Variants in RAPGEF4 observed in about 807,000 individuals in gnomAD.
The protein encoded by RAPGEF4 is RAP guanine-nucleotide-exchange factor (GEF) 4.
A neutral mutation model predicts 147.9 loss-of-function variants in RAPGEF4; 66 were observed. That is an observed-to-expected ratio of 0.45 (90% CI 0.37 to 0.55). The LOEUF is 0.55. Ranked by LOEUF, RAPGEF4 falls within the 20% of genes least tolerant of loss-of-function variation. The probability of loss-of-function intolerance (pLI) is 0.00; values close to 1 mark genes in which losing one functional copy is unlikely to be tolerated. For synonymous variants in RAPGEF4, 419 were observed against 442.7 expected, an observed-to-expected ratio of 0.95 and a Z score of 0.67; for missense variants, 1,071 against 1,257.3, an observed-to-expected ratio of 0.85 and a Z score of 2.24.
rs1052644297 is a variant in RAPGEF4 at position 172,884,411 on chromosome 2, GGACTAACATTTGCAACATCAGTA to G, written c.445-33390_445-33368del. Among the ~76,000 whole-genome samples, 12 of 152,268 alleles carry G rather than the reference GGACTAACATTTGCAACATCAGTA, an allele frequency of 7.9e-5. No homozygotes were observed. In the South Asian group the frequency reaches 1.7e-3, roughly 21 times the overall value. Reference sequence around the variant, plus strand: ...TACACTGGAGCCTCTATCCCTGTTTGGACTAACATTTGCAACATCAGTACTGAATTTGCCAGAAGATTCAGTTT... The same window carrying G: ...TACACTGGAGCCTCTATCCCTGTTTGCTGAATTTGCCAGAAGATTCAGTTT... On this transcript the variant is annotated intron_variant, in intron 4 of 30. Coordinates refer to ENST00000397081, the MANE Select transcript of RAPGEF4 (RefSeq NM_007023.4).
At chr2:173,038,547 T>C (rs1396575128) in intron 29 of RAPGEF4, among the ~76,000 whole-genome samples, 7 of 151,976 alleles carry the variant, frequency 4.6e-5, no homozygotes. Context: ...TGAGAACACA[T>C]GGACACAGGG....
At position 172,918,842 on chromosome 2, in the gene RAPGEF4, A is replaced by G. The variant is rs1405900644; in HGVS notation, c.517+968A>G. 2.0e-5 allele frequency among the ~76,000 whole-genome samples: 3 copies of G among 152,296 alleles called. No individual in the cohort carries two copies. In the South Asian group the frequency reaches 6.2e-4, roughly 32 times the overall value. Reference sequence around the variant, plus strand: ...TCCCTGCATCTTCAGAGCCACAGCCAGCCACCCTTCAGATCCTCTTCCTGG... The same window carrying G: ...TCCCTGCATCTTCAGAGCCACAGCCGGCCACCCTTCAGATCCTCTTCCTGG... On this transcript the variant is annotated intron_variant, in intron 5 of 30. Transcript: ENST00000397081.
At chr2:172,932,043 T>C (rs576635596) in intron 6 of RAPGEF4, among the ~76,000 whole-genome samples, 1 of 134,760 alleles carries the variant, frequency 7.4e-6, no homozygotes, top group African/African-American at 2.7e-5. Context: ...GTTTTCTTCC[T>C]TTTTCTCAAT....
chr2:172,886,979 G>A (rs1483655902), intron 4 of RAPGEF4, among the ~76,000 whole-genome samples: 1 of 152,112 alleles, frequency 6.6e-6, no homozygotes, highest in Non-Finnish European at 1.5e-5. Context: ...CCTGAAGTCA[G>A]GAGTTTGACA....
Position 173,027,270 on chromosome 2 carries a change from T to G in RAPGEF4, c.2558+11T>G. The G allele has an allele frequency of 6.4e-7, 1 of 1,562,168 alleles. No homozygotes were observed. The highest frequency in any genetic ancestry group is 1.2e-5 in the South Asian group (1 of 82,942). Reference sequence around the variant, plus strand: ...TAAGATAGCAGCCCAGTAAGTATATTTAGCTTGGAAAGAGAAAAAAAAATG... The same window carrying G: ...TAAGATAGCAGCCCAGTAAGTATATGTAGCTTGGAAAGAGAAAAAAAAATG... On this transcript the variant is annotated intron_variant, in intron 25 of 30. Coordinates refer to ENST00000397081, the MANE Select transcript of RAPGEF4 (RefSeq NM_007023.4).
intron 1 of RAPGEF4, among the ~76,000 whole-genome samples, chr2:172,788,104 G>T (rs1044661382): frequency 6.6e-6 from 1 of 152,168 alleles, no homozygotes; most frequent in Non-Finnish European, 1.5e-5. Flanking sequence ...AGTCTCTGGG[G>T]TCTCTTATAA....
chr2:172,736,339 C>T (rs4142876), intron 1 of RAPGEF4: 2 of 256,782 alleles, frequency 7.8e-6, no homozygotes, highest in African/African-American at 2.3e-5. Flanking sequence ...CTCCAGGCTC[C>T]GCTCCTGGGT....
intron 6 of RAPGEF4, among the ~76,000 whole-genome samples, chr2:172,952,231 T>C (rs1390597953): frequency 6.6e-6 from 1 of 152,188 alleles, no homozygotes; most frequent in Non-Finnish European, 1.5e-5. Flanking sequence ...CCAGCCCTTT[T>C]GTAATAAGTG....
chr2:172,989,713 CT>C (rs1692635654), intron 14 of RAPGEF4, among the ~76,000 whole-genome samples: 1 of 152,182 alleles, frequency 6.6e-6, no homozygotes, highest in African/African-American at 2.4e-5. Context: ...CCTTCCCGCC[CT>C]AGCTTGAGTT....
intron 1 of RAPGEF4, among the ~76,000 whole-genome samples, chr2:172,736,910 A>G (rs1457500550): frequency 3.3e-5 from 5 of 152,226 alleles, no homozygotes; most frequent in Admixed American, 3.3e-4. Context: ...TCGGAGTTTG[A>G]TGCAGAAGGG....
At chr2:172,824,536 T>TA (rs1394884495) in intron 4 of RAPGEF4, among the ~76,000 whole-genome samples, 21 of 152,224 alleles carry the variant, frequency 1.4e-4, no homozygotes, top group Non-Finnish European at 2.5e-4. Flanking sequence ...ACTTCCAAGT[T>TA]AGAGTTTCTA....
Position 172,795,335 on chromosome 2 carries a change from A to G in RAPGEF4, c.208+168A>G, listed in dbSNP as rs532402223. Among the ~76,000 whole-genome samples, 3 of 152,352 alleles carry G rather than the reference A, an allele frequency of 2.0e-5. No individual in the cohort carries two copies. In the South Asian group the frequency reaches 6.2e-4, roughly 32 times the overall value. On this transcript the variant is annotated intron_variant, in intron 2 of 30. Transcript: ENST00000397081. Reference sequence around the variant, plus strand: ...CTAGTCTGTTTATTCAGTTGCATGTAGGTGTTTCCCTAACTCCTTTGTTCA... The same window carrying G: ...CTAGTCTGTTTATTCAGTTGCATGTGGGTGTTTCCCTAACTCCTTTGTTCA...
At chr2:172,919,900 G>A (rs1032625376) in intron 5 of RAPGEF4, among the ~76,000 whole-genome samples, 8 of 151,930 alleles carry the variant, frequency 5.3e-5, no homozygotes, top group South Asian at 2.1e-4. Context: ...CTGCTTGCCC[G>A]GGCCCAGCGC....
chr2:172,961,289 C>A (rs1689267402), intron 8 of RAPGEF4, 61 bp downstream of exon 8: 1 of 1,310,990 alleles, frequency 7.6e-7, no homozygotes, highest in Admixed American at 1.8e-5. Context: ...GAAAATGGAA[C>A]AAAAATGCTT....
intron 6 of RAPGEF4, among the ~76,000 whole-genome samples, chr2:172,952,185 T>A (rs72894145): frequency 0.036 from 5,443 of 152,222 alleles, 134 homozygotes; most frequent in Admixed American, 0.067. Context: ...TATTTTTTTT[T>A]AAATTAGAGA....
At chr2:172,924,860 TC>T (rs774741668) in intron 6 of RAPGEF4, among the ~76,000 whole-genome samples, 7 of 152,228 alleles carry the variant, frequency 4.6e-5, no homozygotes, top group Non-Finnish European at 8.8e-5. Context: ...GACTATTGTT[TC>T]AGTGTCCAAA....
At position 173,002,131 on chromosome 2, in the gene RAPGEF4, G is replaced by A. The variant is rs1033230243; in HGVS notation, c.1658+787G>A. On this transcript the variant is annotated intron_variant, in intron 17 of 30. Coordinates refer to ENST00000397081, the MANE Select transcript of RAPGEF4 (RefSeq NM_007023.4). ...TTCCCTGGCAGGGTGGACTGTGGTC[G>A]GCTTGTGTTCCTCCTCCGAGCTATG... is the stretch of plus-strand genomic sequence containing the variant. Among the ~76,000 whole-genome samples, 7 of 152,054 alleles carry A rather than the reference G, an allele frequency of 4.6e-5. No individual in the cohort carries two copies. In the East Asian group the frequency reaches 5.8e-4, roughly 13 times the overall value.
chr2:172,767,463 GGC>G (rs2149481130), intron 1 of RAPGEF4, among the ~76,000 whole-genome samples: 1 of 152,190 alleles, frequency 6.6e-6, no homozygotes, highest in African/African-American at 2.4e-5. Context: ...ACAGGCATGA[GGC>G]ACTGAGCCCG....
intron 5 of RAPGEF4, among the ~76,000 whole-genome samples, chr2:172,921,235 T>G (rs1388939968): frequency 1.3e-5 from 2 of 151,986 alleles, no homozygotes; most frequent in East Asian, 3.9e-4. Context: ...CCCAAGTAGC[T>G]ACAGGCATGC....
Sources: allele counts gnomAD v4.1 joint callset (sites outside exome capture counted in the v4.1 genomes callset), GRCh38; gene constraint gnomAD v4.1.1; transcripts MANE v1.5; gene names NCBI Gene and HGNC (gene_info 2026-07-23, HGNC 2026-07-21).